FAM171A1: variants seen among roughly 807,000 people sequenced by gnomAD.
FAM171A1 encodes protein FAM171A1.
Under a neutral mutation model 74.9 loss-of-function variants are expected in FAM171A1, and 23 were observed. The observed-to-expected ratio is 0.31, with a 90% confidence interval of 0.22 to 0.44. FAM171A1 has a LOEUF of 0.44. FAM171A1 is among the 20% of genes least tolerant of loss of function. The pLI is 1.00. For synonymous variants in FAM171A1, 527 were observed against 505.7 expected (o/e 1.04, Z -0.57); for missense variants, 1,162 against 1,159.2 (o/e 1.00, Z -0.03).
chr10:15,289,903 G>A (rs1835082690), intron 1 of FAM171A1, among the ~76,000 whole-genome samples: 1 of 152,234 alleles, frequency 6.6e-6, no homozygotes, highest in Admixed American at 6.5e-5. Flanking sequence ...GAGACCATAA[G>A]GGCTGCAAAG....
chr10:15,343,939 A>C (rs10752373), intron 1 of FAM171A1, among the ~76,000 whole-genome samples: 2 of 152,226 alleles, frequency 1.3e-5, no homozygotes, highest in Admixed American at 6.5e-5. Flanking sequence ...ACAAATGGAA[A>C]GTTCAATAAA....
chr10:15,320,245 A>G (rs1470604908), intron 1 of FAM171A1, among the ~76,000 whole-genome samples: 1 of 152,180 alleles, frequency 6.6e-6, no homozygotes, highest in Non-Finnish European at 1.5e-5. Context: ...TCCTGCATTA[A>G]TTCACTTAGG....
At chr10:15,243,878 G>A (rs1164808142) in intron 5 of FAM171A1, among the ~76,000 whole-genome samples, 1 of 152,086 alleles carries the variant, frequency 6.6e-6, no homozygotes, top group African/African-American at 2.4e-5. Flanking sequence ...AGCCTCCTGA[G>A]TAGCTGGGAC....
At chr10:15,271,861 C>T (rs1006261052) in intron 3 of FAM171A1, among the ~76,000 whole-genome samples, 2 of 152,156 alleles carry the variant, frequency 1.3e-5, no homozygotes, top group Non-Finnish European at 2.9e-5. Context: ...ATCAGGCCTG[C>T]CTTACAAGAG....
chr10:15,246,130 T>C (rs1001464741), intron 5 of FAM171A1, among the ~76,000 whole-genome samples: 2 of 152,056 alleles, frequency 1.3e-5, no homozygotes, highest in Non-Finnish European at 2.9e-5. Context: ...AAAGTGCCCG[T>C]CTCGCTTACT....
chr10:15,215,774 C>T (rs1833959248), intron 7 of FAM171A1, among the ~76,000 whole-genome samples: 1 of 152,056 alleles, frequency 6.6e-6, no homozygotes, highest in South Asian at 2.1e-4. Flanking sequence ...TTCATAACTC[C>T]CCTTCTAAGC....
chr10:15,288,182 G>A (rs550621372), intron 1 of FAM171A1, among the ~76,000 whole-genome samples: 2 of 152,256 alleles, frequency 1.3e-5, no homozygotes, highest in African/African-American at 2.4e-5. Context: ...CATTTGGGCT[G>A]GTTTCATATT....
At chr10:15,290,611 C>T (rs1156822701) in intron 1 of FAM171A1, among the ~76,000 whole-genome samples, 1 of 152,108 alleles carries the variant, frequency 6.6e-6, no homozygotes, top group Non-Finnish European at 1.5e-5. Context: ...TGATTAAATA[C>T]ATACTGAAGT....
At chr10:15,288,752 T>C (rs757348496) in intron 1 of FAM171A1, among the ~76,000 whole-genome samples, 1 of 152,076 alleles carries the variant, frequency 6.6e-6, no homozygotes, top group Non-Finnish European at 1.5e-5. Context: ...TTAAAAGAGA[T>C]TGTTTAGTTC....
At chr10:15,372,043 G>C (rs796689847), upstream of FAM171A1, among the ~76,000 whole-genome samples, 1 of 152,266 alleles carries the variant, frequency 6.6e-6, no homozygotes, top group East Asian at 1.9e-4. Context: ...GACATCCCCT[G>C]GCAGGGCTGG....
At chr10:15,323,755 T>C (rs1169070055) in intron 1 of FAM171A1, among the ~76,000 whole-genome samples, 1 of 152,142 alleles carries the variant, frequency 6.6e-6, no homozygotes, top group Admixed American at 6.5e-5. Context: ...TGTTAGGATT[T>C]TACTTAAAGT....
chr10:15,356,555 C>T (rs1023750966), intron 1 of FAM171A1, among the ~76,000 whole-genome samples: 2 of 152,048 alleles, frequency 1.3e-5, no homozygotes, highest in African/African-American at 2.4e-5. Flanking sequence ...ATAACTTGAG[C>T]GCCCAGCAAT....
chr10:15,344,316 G>A (rs1055002422), intron 1 of FAM171A1, among the ~76,000 whole-genome samples: 14 of 152,146 alleles, frequency 9.2e-5, no homozygotes, highest in African/African-American at 2.4e-4. Context: ...TTATAAGGGT[G>A]GCTATATTTG....
chr10:15,310,371 G>A (rs1469448421), intron 1 of FAM171A1, among the ~76,000 whole-genome samples: 1 of 152,154 alleles, frequency 6.6e-6, no homozygotes, highest in Admixed American at 6.6e-5. Context: ...AGGAAAGGGT[G>A]ACCTAAGAAG....
At chr10:15,342,701 T>TTA (rs1326723227) in intron 1 of FAM171A1, among the ~76,000 whole-genome samples, 1 of 152,124 alleles carries the variant, frequency 6.6e-6, no homozygotes, top group Non-Finnish European at 1.5e-5. Flanking sequence ...ACCACCAAAG[T>TTA]TACATCAACA....
chr10:15,253,056 T>G (rs1260233849), intron 4 of FAM171A1, among the ~76,000 whole-genome samples: 1 of 152,144 alleles, frequency 6.6e-6, no homozygotes, highest in Admixed American at 6.6e-5. Flanking sequence ...CAGGCTGGAG[T>G]GCAGTGGCAC....
chr10:15,241,360 TTTTTTTTAAATTTTTTTA>T (rs1259828506), intron 5 of FAM171A1: 2 of 152,126 alleles, frequency 1.3e-5, no homozygotes, highest in Non-Finnish European at 2.9e-5. Flanking sequence ...GAGGTCACAA[TTTTTTTTAAATTTTTTTA>T]TTTTTTTCTG....
At chr10:15,237,625 T>C (rs11259571) in intron 5 of FAM171A1, 22,571 of 152,160 alleles carry the variant, frequency 0.15, 1,767 homozygotes, top group Middle Eastern at 0.18. Flanking sequence ...GGCATCTCCA[T>C]GAAAAGTCAC....
intron 7 of FAM171A1, among the ~76,000 whole-genome samples, chr10:15,215,773 C>T (rs552517175): frequency 2.0e-5 from 3 of 152,090 alleles, no homozygotes; most frequent in East Asian, 1.9e-4. Flanking sequence ...TTTCATAACT[C>T]CCCTTCTAAG....
Sources: allele counts gnomAD v4.1 joint callset (sites outside exome capture counted in the v4.1 genomes callset), GRCh38; gene constraint gnomAD v4.1.1; transcripts MANE v1.5; gene names NCBI Gene and HGNC (gene_info 2026-07-23, HGNC 2026-07-21).